The following RMDN2 variants were observed in gnomAD, a reference collection of about 807,000 sequenced individuals.
The protein encoded by RMDN2 is regulator of microtubule dynamics protein 2.
RMDN2 carries 61 observed loss-of-function variants against 52.8 expected under a neutral mutation model. The observed-to-expected ratio is 1.16, with a 90% confidence interval of 0.94 to 1.43. RMDN2 has a LOEUF of 1.43. Ranked by LOEUF, RMDN2 falls within the 40% of genes most tolerant of loss-of-function variation. The pLI is 0.00. For missense variants in RMDN2, 592 were observed against 475.3 expected, an observed-to-expected ratio of 1.25 and a Z score of -2.28; for synonymous variants, 180 against 153.1, an observed-to-expected ratio of 1.18 and a Z score of -1.30.
At chr2:38,054,539 C>G (rs1251560818) in intron 10 of RMDN2, among the ~76,000 whole-genome samples, 1 of 152,188 alleles carries the variant, frequency 6.6e-6, no homozygotes, top group Non-Finnish European at 1.5e-5. Context: ...AATGGAGATG[C>G]ATGGTTAAAG....
intron 10 of RMDN2, among the ~76,000 whole-genome samples, chr2:38,024,934 A>G (rs1679666253): frequency 6.6e-6 from 1 of 152,084 alleles, no homozygotes. Context: ...TGATTAATGT[A>G]GTTTTCTAGA....
chr2:37,965,594 ATAAT>A (rs1306278426), intron 2 of RMDN2, among the ~76,000 whole-genome samples: 2 of 152,170 alleles, frequency 1.3e-5, no homozygotes, highest in African/African-American at 4.8e-5. Context: ...ATATAGATTC[ATAAT>A]TACTTTTTAC....
intron 10 of RMDN2, among the ~76,000 whole-genome samples, chr2:38,004,550 A>G (rs1676793470): frequency 6.6e-6 from 1 of 152,060 alleles, no homozygotes; most frequent in African/African-American, 2.4e-5. Context: ...CTACAGTCAC[A>G]TTGCTGTCCT....
intron 10 of RMDN2, among the ~76,000 whole-genome samples, chr2:38,044,738 T>G (rs1369986071): frequency 6.6e-6 from 1 of 152,108 alleles, no homozygotes; most frequent in Non-Finnish European, 1.5e-5. Context: ...GGCACTTCCT[T>G]TTGATTCTTT....
intron 2 of RMDN2, among the ~76,000 whole-genome samples, chr2:37,934,391 G>T (rs1357747494): frequency 6.6e-6 from 1 of 152,134 alleles, no homozygotes; most frequent in African/African-American, 2.4e-5. Context: ...TGCTGGGTAT[G>T]GTGGTGATGA....
chr2:38,019,488 C>G (rs114310481), downstream of RMDN2, among the ~76,000 whole-genome samples: 1,108 of 152,290 alleles, frequency 7.3e-3, 9 homozygotes, highest in African/African-American at 0.025. Context: ...AAATGTAGTA[C>G]TCTTAATTCA....
chr2:38,065,335 G>T (rs1031421255), intron 10 of RMDN2, among the ~76,000 whole-genome samples: 10 of 151,516 alleles, frequency 6.6e-5, no homozygotes, highest in African/African-American at 2.2e-4. Flanking sequence ...CTTATCCATT[G>T]AGAGAGAGAG....
chr2:38,012,520 A>G (rs1678148245), intron 10 of RMDN2: 1 of 438,932 alleles, frequency 2.3e-6, no homozygotes, highest in Non-Finnish European at 4.6e-6. Context: ...TAATGAATGT[A>G]AGAAGGCTAG....
At chr2:38,065,268 A>C (rs543259716) in intron 10 of RMDN2, among the ~76,000 whole-genome samples, 21 of 152,326 alleles carry the variant, frequency 1.4e-4, no homozygotes, top group African/African-American at 5.1e-4. Context: ...TCAAAACAAT[A>C]ATACAAATTT....
At chr2:37,972,468 A>G (rs1349614283) in intron 2 of RMDN2, among the ~76,000 whole-genome samples, 1 of 152,214 alleles carries the variant, frequency 6.6e-6, no homozygotes, top group South Asian at 2.1e-4. Context: ...CAAGCAGGAA[A>G]GTGATAGAAG....
chr2:38,046,427 G>GA (rs1462130162), intron 10 of RMDN2, among the ~76,000 whole-genome samples: 2 of 151,036 alleles, frequency 1.3e-5, no homozygotes, highest in Non-Finnish European at 3.0e-5. Context: ...CAGCAGCAGA[G>GA]AAAAAAAAGC....
intron 5 of RMDN2, among the ~76,000 whole-genome samples, chr2:37,983,106 C>G (rs1673550745): frequency 6.6e-6 from 1 of 152,094 alleles, no homozygotes. Flanking sequence ...TCTCCCTCGT[C>G]TATTGCTCTT....
chr2:37,925,896 C>T (rs888979580), intron 1 of RMDN2, among the ~76,000 whole-genome samples: 2 of 142,684 alleles, frequency 1.4e-5, no homozygotes, highest in African/African-American at 3.1e-5. Flanking sequence ...AAACGAAGGC[C>T]GGATTATCAG....
intron 10 of RMDN2, among the ~76,000 whole-genome samples, chr2:38,010,572 A>G (rs2125224018): frequency 6.6e-6 from 1 of 152,306 alleles, no homozygotes; most frequent in South Asian, 2.1e-4. Context: ...GCGCAGTATT[A>G]GGGTGGGAGT....
chr2:38,042,254 T>C (rs756347317), intron 10 of RMDN2, among the ~76,000 whole-genome samples: 1 of 152,168 alleles, frequency 6.6e-6, no homozygotes. Flanking sequence ...ATACTCTTTC[T>C]TTATTGTCCT....
intron 10 of RMDN2, among the ~76,000 whole-genome samples, chr2:38,004,589 A>G (rs1676800562): frequency 1.3e-5 from 2 of 152,104 alleles, no homozygotes; most frequent in South Asian, 2.1e-4. Context: ...TTCATCCTGC[A>G]TAACTGAAAC....
chr2:37,951,200 T>C (rs750188562), intron 2 of RMDN2: 1 of 1,518,350 alleles, frequency 6.6e-7, no homozygotes, highest in Non-Finnish European at 8.8e-7. Flanking sequence ...CTCCCTATTT[T>C]TTTTCCTCAT....
At chr2:37,998,667 G>C (rs1675903190) in intron 8 of RMDN2, among the ~76,000 whole-genome samples, 3 of 152,130 alleles carry the variant, frequency 2.0e-5, no homozygotes, top group African/African-American at 7.2e-5. Flanking sequence ...CCAATGGCCA[G>C]TGGCTGCCTC....
At position 38,042,426 on chromosome 2, in the gene RMDN2, A is replaced by ACACACACAC. The variant is rs58842040; in HGVS notation, c.1714-24555_1714-24547dup. ...CGCCACACACACACACACACACACC[A>ACACACACAC]CACACACACACACACACCACACACA... On this transcript the variant is annotated intron_variant, in intron 10 of 10. Coordinates refer to the RMDN2 transcript ENST00000234195. Among the ~76,000 whole-genome samples, 1,172 of 144,252 alleles carry ACACACACAC rather than the reference A, an allele frequency of 8.1e-3. 24 individuals are homozygous for ACACACACAC. Among genetic ancestry groups the ACACACACAC allele is most frequent in the African/African-American group, 0.029 (1,085 of 37,292 alleles). The allele number at this position is 144,252 out of a possible 152,430, so 94.6% of individuals were successfully genotyped here.
Sources: gnomAD v4.1 joint callset for allele counts (sites outside exome capture counted in the v4.1 genomes callset) on GRCh38, gnomAD v4.1.1 for gene constraint, MANE v1.5 for transcripts, NCBI Gene and HGNC (gene_info 2026-07-23, HGNC 2026-07-21) for gene names.